IPCEF1: variants seen among roughly 807,000 people sequenced by gnomAD.
IPCEF1 encodes the protein interaction protein for cytohesin exchange factors 1.
IPCEF1 carries 31 observed loss-of-function variants against 50.9 expected under a neutral mutation model. The ratio of observed to expected loss-of-function variants is 0.61; its 90% CI spans 0.46 to 0.82. The LOEUF (loss-of-function observed/expected upper bound fraction) is 0.82. Among genes scored for constraint, IPCEF1 ranks in the 40% least tolerant of loss-of-function variants. The pLI, the probability that IPCEF1 is intolerant of heterozygous loss-of-function variation, is 0.00. For synonymous variants in IPCEF1, 181 were observed against 192.0 expected, an observed-to-expected ratio of 0.94 and a Z score of 0.47; for missense variants, 458 against 514.0, an observed-to-expected ratio of 0.89 and a Z score of 1.05.
intron 1 of IPCEF1, among the ~76,000 whole-genome samples, chr6:154,321,669 A>G (rs1400993492): frequency 2.0e-5 from 3 of 151,044 alleles, no homozygotes; most frequent in Admixed American, 6.7e-5. Context: ...AGTTCCAGCT[A>G]CTTGGGAGGC....
intron 1 of IPCEF1, among the ~76,000 whole-genome samples, chr6:154,309,629 T>A: frequency 6.6e-6 from 1 of 152,136 alleles, no homozygotes; most frequent in Non-Finnish European, 1.5e-5. Context: ...CTGTCCTGTA[T>A]TTTTTTTCAT....
intron 7 of IPCEF1, among the ~76,000 whole-genome samples, chr6:154,219,555 A>G (rs900752953): frequency 3.3e-5 from 5 of 152,162 alleles, no homozygotes; most frequent in Non-Finnish European, 5.9e-5. Flanking sequence ...TCCAAGTGCT[A>G]GCGGGCGAGA....
intron 2 of IPCEF1, among the ~76,000 whole-genome samples, chr6:154,266,472 A>C (rs1390205145): frequency 6.6e-6 from 1 of 151,502 alleles, no homozygotes; most frequent in African/African-American, 2.4e-5. Flanking sequence ...TGAGTTCATA[A>C]GATAAGCCAG....
intron 10 of IPCEF1, among the ~76,000 whole-genome samples, chr6:154,191,488 A>G (rs759676042): frequency 8.5e-5 from 13 of 152,110 alleles, no homozygotes; most frequent in Non-Finnish European, 1.8e-4. Context: ...AACCTGGACA[A>G]CATAGTGAAA....
Position 154,199,949 on chromosome 6 carries a change from C to A in IPCEF1, c.629G>T (p.Ser210Ile), listed in dbSNP as rs1776930328. 6.2e-7 allele frequency: 1 copy of A among 1,614,040 alleles called. No individual in the cohort carries two copies. The highest frequency in any genetic ancestry group is 8.5e-7 in the Non-Finnish European group (1 of 1,180,006). The change falls in exon 10 of 12, where the codon AGT (serine) becomes ATT (isoleucine). Residue 210 changes from serine to isoleucine, a missense_variant. Physicochemically the swap from Ser to Ile is moderately radical, Grantham distance 142. Coordinates refer to ENST00000367220, the MANE Select transcript of IPCEF1 (RefSeq NM_001130700.2). ...SLENTVKTPS[S>I]FPSSLSKERQ... ...CTCTTTAGATAAGGAGGAAGGAAAA[C>A]TGCTGGGTGTCTTCACTGTATTTTC...
intron 3 of IPCEF1, among the ~76,000 whole-genome samples, chr6:154,262,417 T>C (rs554151401): frequency 6.6e-6 from 1 of 152,248 alleles, no homozygotes; most frequent in African/African-American, 2.4e-5. Context: ...TGTAGAGACT[T>C]TAACTTGTCC....
At chr6:154,347,192 T>G (rs1368445241) in intron 1 of IPCEF1, among the ~76,000 whole-genome samples, 1 of 152,216 alleles carries the variant, frequency 6.6e-6, no homozygotes, top group Non-Finnish European at 1.5e-5. Flanking sequence ...AAAGCAACCT[T>G]ATCCAAAAAT....
At position 154,253,104 on chromosome 6, in the gene IPCEF1, C is replaced by T. The variant is rs535369768; in HGVS notation, c.37-5616G>A. ...AAGAGAATTAAGTATACTGTTATCT[C>T]TCTGTGTACTCCTTCCCTTTTTCAT... On this transcript the variant is annotated intron_variant, in intron 3 of 11. Transcript: ENST00000367220. Among the ~76,000 whole-genome samples the T allele has an allele frequency of 2.0e-5, 3 of 152,244 alleles. No individual in the cohort carries two copies. The South Asian group carries it at 6.2e-4, about 32-fold the overall frequency.
At position 154,195,282 on chromosome 6, in the gene IPCEF1, G is replaced by T. The variant is rs941553141; in HGVS notation, c.910+4386C>A. ...CCTGCCTCAGCCTCCCGAGTAGGTGGGACTACAGGCGCCCGCCACCACACC... is the reference window on the plus strand; with the variant it reads ...CCTGCCTCAGCCTCCCGAGTAGGTGTGACTACAGGCGCCCGCCACCACACC... On this transcript the variant is annotated intron_variant, in intron 10 of 11. Transcript: ENST00000367220. Among the ~76,000 whole-genome samples, 39 of 151,610 alleles carry T rather than the reference G, an allele frequency of 2.6e-4. 1 individual carries two copies. Among genetic ancestry groups the T allele is most frequent in the Admixed American group, 4.6e-4 (7 of 15,224 alleles).
At chr6:154,206,843 G>A (rs114885141) in intron 9 of IPCEF1, among the ~76,000 whole-genome samples, 1,954 of 152,356 alleles carry the variant, frequency 0.013, 45 homozygotes, top group African/African-American at 0.044. Flanking sequence ...CGCTTTTGGG[G>A]AACAGCAGGC....
intron 2 of IPCEF1, among the ~76,000 whole-genome samples, chr6:154,275,824 A>C (rs1478523933): frequency 6.6e-6 from 1 of 152,244 alleles, no homozygotes; most frequent in African/African-American, 2.4e-5. Context: ...AGCCGCTTGC[A>C]CCCATTGCTC....
intron 9 of IPCEF1, 73 bp from the exon 10 acceptor site, chr6:154,200,113 T>A: frequency 7.3e-7 from 1 of 1,376,392 alleles, no homozygotes; most frequent in Non-Finnish European, 9.8e-7. Flanking sequence ...TACCTTTTAT[T>A]TTCAATCACG....
chr6:154,242,521 C>A (rs1175212568), intron 5 of IPCEF1, among the ~76,000 whole-genome samples: 1 of 152,120 alleles, frequency 6.6e-6, no homozygotes, highest in Non-Finnish European at 1.5e-5. Flanking sequence ...TCTTCTCCTA[C>A]AGAAATGATC....
chr6:154,294,813 A>C (rs781738892), intron 1 of IPCEF1, among the ~76,000 whole-genome samples: 1 of 152,042 alleles, frequency 6.6e-6, no homozygotes, highest in Non-Finnish European at 1.5e-5. Context: ...ACTAAGGAGA[A>C]AGTCCTACAC....
chr6:154,256,053 G>A (rs1196333237), intron 3 of IPCEF1, among the ~76,000 whole-genome samples: 2 of 151,984 alleles, frequency 1.3e-5, no homozygotes, highest in Non-Finnish European at 2.9e-5. Context: ...TGTGTTCTGG[G>A]ATTTGTCTTA....
chr6:154,346,124 T>G (rs1352454928), intron 1 of IPCEF1, among the ~76,000 whole-genome samples: 1 of 152,124 alleles, frequency 6.6e-6, no homozygotes, highest in African/African-American at 2.4e-5. Context: ...CCCACCTCAG[T>G]GTCCCAAAGT....
intron 6 of IPCEF1, among the ~76,000 whole-genome samples, chr6:154,222,322 A>G (rs1334847241): frequency 1.3e-5 from 2 of 152,260 alleles, no homozygotes; most frequent in Non-Finnish European, 1.5e-5. Flanking sequence ...GACATGTGCA[A>G]CCACACCACA....
chr6:154,181,671 A>G (rs542353607), intron 10 of IPCEF1, among the ~76,000 whole-genome samples: 1 of 152,316 alleles, frequency 6.6e-6, no homozygotes, highest in East Asian at 1.9e-4. Flanking sequence ...CCCCACCCGG[A>G]GCCTCTGCTG....
At chr6:154,340,896 AAG>A in intron 1 of IPCEF1, among the ~76,000 whole-genome samples, 1 of 137,746 alleles carries the variant, frequency 7.3e-6, no homozygotes, top group East Asian at 2.5e-4. Context: ...AAAAAAAAAA[AAG>A]AAATATATAT....
Sources: gnomAD v4.1 joint callset for allele counts (sites outside exome capture counted in the v4.1 genomes callset) on GRCh38, gnomAD v4.1.1 for gene constraint, MANE v1.5 for transcripts, NCBI Gene and HGNC (gene_info 2026-07-23, HGNC 2026-07-21) for gene names.